The following CACNA1I variants were observed in gnomAD, a reference collection of about 807,000 sequenced individuals.
The protein encoded by CACNA1I is calcium voltage-gated channel subunit alpha1 I.
A neutral mutation model predicts 201.6 loss-of-function variants in CACNA1I; 74 were observed. The ratio of observed to expected loss-of-function variants is 0.37; its 90% CI spans 0.30 to 0.45. CACNA1I has a LOEUF of 0.45. CACNA1I is among the 20% of genes least tolerant of loss of function. The pLI is 1.00. For missense variants in CACNA1I, 2,346 were observed against 3,138.1 expected (o/e 0.75, Z 6.03); for synonymous variants, 1,431 against 1,345.2 (o/e 1.06, Z -1.40).
At chr22:39,634,077 AG>A (rs1934139508) in intron 4 of CACNA1I, among the ~76,000 whole-genome samples, 1 of 152,218 alleles carries the variant, frequency 6.6e-6, no homozygotes, top group African/African-American at 2.4e-5. Flanking sequence ...CTCTGGGACA[AG>A]GGGGTTGTGA....
At chr22:39,611,963 C>T (rs957071316) in intron 3 of CACNA1I, among the ~76,000 whole-genome samples, 3 of 152,156 alleles carry the variant, frequency 2.0e-5, no homozygotes, top group South Asian at 2.1e-4. Flanking sequence ...TCTTTGGCCT[C>T]ATAGGTTTGT....
rs1402214093 is a variant in CACNA1I, at chr22:39,664,735, C to T, written c.3667-4C>T. On this transcript the variant is annotated splice_region_variant and splice_polypyrimidine_tract_variant and intron_variant, in intron 20 of 36. Coordinates refer to ENST00000402142, the MANE Select transcript of CACNA1I (RefSeq NM_021096.4). ...GCCTGACCCCGGCCCCACCCCCGCCCCAGGTAGTCTCGCTGGGCCTGTACT... is the reference window on the plus strand; with the variant it reads ...GCCTGACCCCGGCCCCACCCCCGCCTCAGGTAGTCTCGCTGGGCCTGTACT... The T allele has an allele frequency of 3.2e-6, 5 of 1,577,094 alleles. No homozygotes were observed. Among genetic ancestry groups the T allele is most frequent in the Middle Eastern group, 1.7e-4 (1 of 6,022 alleles).
intron 3 of CACNA1I, among the ~76,000 whole-genome samples, chr22:39,601,890 T>TCCCCCTCCCTCC (rs1359259601): frequency 5.1e-5 from 1 of 19,530 alleles, no homozygotes; most frequent in Non-Finnish European, 1.0e-4. Context: ...TCTCTTTCTT[T>TCCCCCTCCCTCC]CACCCTCCCT....
Position 39,666,972 on chromosome 22 carries a change from T to G in CACNA1I, c.4104+966T>G, listed in dbSNP as rs1426025125. On this transcript the variant is annotated intron_variant, in intron 23 of 36. Transcript: ENST00000402142. The surrounding 1 kb of genome is among the most constrained non-coding windows in gnomAD (Gnocchi z 4.1). ...CCTTCACCTATGGGCCCCGCCCCAGTGCCAGCTCCGCCCCTTTGGAGCATT... is the reference window on the plus strand; with the variant it reads ...CCTTCACCTATGGGCCCCGCCCCAGGGCCAGCTCCGCCCCTTTGGAGCATT... 2.0e-5 allele frequency among the ~76,000 whole-genome samples: 3 copies of G among 152,234 alleles called. No homozygotes were observed. Among genetic ancestry groups the G allele is most frequent in the Non-Finnish European group, 2.9e-5 (2 of 68,036 alleles).
intron 3 of CACNA1I, among the ~76,000 whole-genome samples, chr22:39,605,329 C>A (rs1171315342): frequency 1.3e-5 from 2 of 152,186 alleles, no homozygotes; most frequent in Non-Finnish European, 2.9e-5. Flanking sequence ...TGGGGCCTGC[C>A]TCTGTTCCCA....
intron 1 of CACNA1I, among the ~76,000 whole-genome samples, chr22:39,597,368 GA>G (rs1932914991): frequency 6.6e-6 from 1 of 152,204 alleles, no homozygotes; most frequent in Non-Finnish European, 1.5e-5. Context: ...GGGAGGGAGG[GA>G]GGAGGGCATT....
chr22:39,668,145 G>A (rs1197738388), intron 23 of CACNA1I, 147 bp from the exon 24 acceptor site: 3 of 591,578 alleles, frequency 5.1e-6, no homozygotes, highest in Non-Finnish European at 9.2e-6. Flanking sequence ...AAGTTTGTTG[G>A]ACGAGGGCAC....
In CACNA1I at chr22:39,679,805, C is replaced by T. The variant is rs759810907; in HGVS notation, c.5478C>T (p.Gly1826=). 6.2e-7 allele frequency: 1 copy of T among 1,613,110 alleles called. No homozygotes were observed. The highest frequency in any genetic ancestry group is 8.5e-7 in the Non-Finnish European group (1 of 1,179,610). Residue 1826 remains glycine (G), a synonymous_variant, in exon 33 of 37, where the codon GGC becomes GGT. Coordinates refer to ENST00000402142, the MANE Select transcript of CACNA1I (RefSeq NM_021096.4). ...GELTIIDNLS[G]SIFHHYSSPA... The stretch of plus-strand genomic sequence containing the variant: ...TGACCATCATCGACAACCTGTCGGG[C>T]TCCATCTTCCACCACTACTCCTCGC...
intron 2 of CACNA1I, 136 bp from the exon 3 acceptor site, chr22:39,600,384 C>G: frequency 1.5e-6 from 1 of 664,810 alleles, no homozygotes; most frequent in Non-Finnish European, 2.6e-6. Flanking sequence ...TCTCCTCCTG[C>G]CCAGGAGGAG....
chr22:39,575,631 T>C (rs1200626540), intron 1 of CACNA1I, among the ~76,000 whole-genome samples: 1 of 93,286 alleles, frequency 1.1e-5, no homozygotes, highest in Non-Finnish European at 2.0e-5. Flanking sequence ...CTAGTGGCCA[T>C]GCCCCCCATC....
chr22:39,685,056 A>C lies in CACNA1I; in HGVS notation c.6027+558A>C, dbSNP rs1256345884. 1 of 183,244 alleles carries C rather than the reference A, an allele frequency of 5.5e-6. No individual in the cohort carries two copies. The highest frequency in any genetic ancestry group is 2.4e-5 in the African/African-American group (1 of 42,046). 11.4% of individuals were successfully genotyped at this position (183,244 alleles called of 1,614,324 possible). ...GGGAAATGGGGCCGGGCCGGCTCCC[A>C]CAGTGAGTGCAGTTGATTCACTGGG... is the stretch of plus-strand genomic sequence containing the variant. On this transcript the variant is annotated intron_variant, in intron 36 of 36. Transcript: ENST00000402142. The surrounding 1 kb of genome is among the most constrained non-coding windows in gnomAD (Gnocchi z 5.0).
rs1158140167 is a variant in CACNA1I at position 39,663,751 on chromosome 22, C to T, written c.3507C>T (p.His1169=). 8.1e-6 allele frequency: 13 copies of T among 1,613,712 alleles called. No homozygotes were observed. The highest frequency in any genetic ancestry group is 1.0e-5 in the Non-Finnish European group (12 of 1,179,702). Residue 1169 remains histidine, a synonymous_variant, in exon 19 of 37, where the codon CAC becomes CAT. Coordinates refer to ENST00000402142, the MANE Select transcript of CACNA1I (RefSeq NM_021096.4). The stretch of plus-strand genomic sequence containing the variant: ...TCCTGTGTCAGACCATTATTGCCCA[C>T]AAACTCTTCGACTACGTCGTCCTGG... The part of the protein sequence containing the change: ...FRVLCQTIIA[H]KLFDYVVLAF...
chr22:39,664,004 C>T, intron 19 of CACNA1I, 87 bp from the exon 20 acceptor site: 1 of 1,531,588 alleles, frequency 6.5e-7, no homozygotes, highest in Non-Finnish European at 9.0e-7. Flanking sequence ...AGCCTCTCCT[C>T]TACGAACCTT....
chr22:39,593,183 G>A (rs891781103), intron 1 of CACNA1I, among the ~76,000 whole-genome samples: 1 of 152,096 alleles, frequency 6.6e-6, no homozygotes, highest in African/African-American at 2.4e-5. Context: ...GCAGTGCTGT[G>A]CAGCGGCCAC....
intron 1 of CACNA1I, among the ~76,000 whole-genome samples, chr22:39,575,117 T>C (rs1932302711): frequency 6.6e-6 from 1 of 152,244 alleles, no homozygotes; most frequent in Non-Finnish European, 1.5e-5. Context: ...GGCTGTCAGC[T>C]GCAGATGCAG....
intron 10 of CACNA1I, among the ~76,000 whole-genome samples, chr22:39,652,217 A>G (rs1212310973): frequency 6.6e-6 from 1 of 151,862 alleles, no homozygotes; most frequent in South Asian, 2.1e-4. Flanking sequence ...GCTGGTCTTG[A>G]ACTCCTGACC....
chr22:39,680,044 GGGCCTGTGGTGTGGT>G (rs1294965899), intron 33 of CACNA1I, among the ~76,000 whole-genome samples, 176 bp downstream of exon 33: 1 of 152,194 alleles, frequency 6.6e-6, no homozygotes, highest in East Asian at 1.9e-4. Flanking sequence ...GGCCAGGTGT[GGGCCTGTGGTGTGGT>G]GGCCACAGCT....
At chr22:39,578,407 A>G (rs1932431292) in intron 1 of CACNA1I, among the ~76,000 whole-genome samples, 1 of 151,924 alleles carries the variant, frequency 6.6e-6, no homozygotes, top group African/African-American at 2.4e-5. Flanking sequence ...TGGTGGGGCT[A>G]CTGGGAGTGT....
At chr22:39,639,887 C>G (rs1934311237) in intron 5 of CACNA1I, among the ~76,000 whole-genome samples, 1 of 152,308 alleles carries the variant, frequency 6.6e-6, no homozygotes, top group African/African-American at 2.4e-5. Context: ...ATTTTGCTCT[C>G]TTATAGATCT....
Sources: gnomAD v4.1 joint callset for allele counts (sites outside exome capture counted in the v4.1 genomes callset) on GRCh38, gnomAD v4.1.1 for gene constraint, Gnocchi (gnomAD v3.1) non-coding constraint, MANE v1.5 for transcripts, NCBI Gene and HGNC (gene_info 2026-07-23, HGNC 2026-07-21) for gene names.